MYT1L: variants seen among roughly 807,000 people sequenced by gnomAD.
The protein encoded by MYT1L is myelin transcription factor 1-like protein.
A neutral mutation model predicts 126.7 loss-of-function variants in MYT1L; 12 were observed. That is an observed-to-expected ratio of 0.09 (90% CI 0.06 to 0.15). The LOEUF (loss-of-function observed/expected upper bound fraction) is 0.15. Ranked by LOEUF, MYT1L falls within the 10% of genes least tolerant of loss-of-function variation. The pLI is 1.00. For missense variants in MYT1L, 979 were observed against 1,585.2 expected (o/e 0.62, Z 6.49); for synonymous variants, 541 against 604.2 (o/e 0.90, Z 1.53).
At chr2:2,066,300 T>C (rs970915111) in intron 3 of MYT1L, among the ~76,000 whole-genome samples, 1 of 152,158 alleles carries the variant, frequency 6.6e-6, no homozygotes, top group African/African-American at 2.4e-5. Context: ...AAGAACTTTA[T>C]AAACATTAAT....
chr2:1,910,139 C>G lies in MYT1L; in HGVS notation c.1817+101G>C, dbSNP rs1169430322. The G allele has an allele frequency of 7.3e-6, 8 of 1,092,866 alleles. No homozygotes were observed. The African/African-American group carries it at 1.2e-4, about 17-fold the overall frequency. The allele number at this position is 1,092,866 out of a possible 1,614,324, so 67.7% of individuals were successfully genotyped here. On this transcript the variant is annotated intron_variant, in intron 13 of 24. Transcript: ENST00000647738. This position sits in a 1 kb window ranked among gnomAD's most constrained non-coding sequence, Gnocchi z 4.8. ...CAGCCCCGCCCTCCAGTCCCTGCCC[C>G]TGCTGCTGTAGGGACATGCCCTGAG...
intron 2 of MYT1L, among the ~76,000 whole-genome samples, chr2:2,227,121 G>C (rs2094029676): frequency 6.6e-6 from 1 of 152,028 alleles, no homozygotes; most frequent in Non-Finnish European, 1.5e-5. Context: ...CTGGGGATGC[G>C]CTGTCCCGGC....
intron 3 of MYT1L, among the ~76,000 whole-genome samples, chr2:2,076,442 A>G (rs1335973288): frequency 6.6e-6 from 1 of 152,202 alleles, no homozygotes; most frequent in Non-Finnish European, 1.5e-5. Flanking sequence ...CTGGCTATTC[A>G]TTGGCCGACC....
chr2:2,132,955 T>G (rs2082575639), intron 3 of MYT1L, among the ~76,000 whole-genome samples: 1 of 152,104 alleles, frequency 6.6e-6, no homozygotes, highest in South Asian at 2.1e-4. Context: ...CTCCAGCCCC[T>G]CTTCTTTGCT....
At position 1,801,897 on chromosome 2, in the gene MYT1L, GA is replaced by G; in HGVS notation, c.3173-99del. On this transcript the variant is annotated intron_variant, in intron 22 of 24. Coordinates refer to ENST00000647738, the MANE Select transcript of MYT1L (RefSeq NM_001303052.2). This position sits in a 1 kb window ranked among gnomAD's most constrained non-coding sequence, Gnocchi z 4.2. ...CTTTGTTCCTTTTATATTCGTAATT[GA>G]ATTTGCTTGGAAAATAGACTCTTGA... 1 of 699,934 alleles carries G rather than the reference GA, an allele frequency of 1.4e-6. No homozygotes were observed. Among genetic ancestry groups the G allele is most frequent in the South Asian group, 2.1e-5 (1 of 48,250 alleles). The allele number at this position is 699,934 out of a possible 1,614,324, so 43.4% of individuals were successfully genotyped here. A position where few individuals can be genotyped will look rare whatever the true frequency, so the allele number is the denominator to read the frequency against.
intron 3 of MYT1L, among the ~76,000 whole-genome samples, chr2:2,095,867 G>A (rs879295147): frequency 6.6e-6 from 1 of 152,166 alleles, no homozygotes; most frequent in Admixed American, 6.5e-5. Flanking sequence ...GGCGTCCTCT[G>A]ACTATCATGC....
In MYT1L at chr2:1,790,577, AT is replaced by A. The variant is rs1298645548; in HGVS notation, c.*1289del. The A allele has an allele frequency of 1.3e-5, 2 of 152,292 alleles. No individual in the cohort carries two copies. Among genetic ancestry groups the A allele is most frequent in the Non-Finnish European group, 2.9e-5 (2 of 68,066 alleles). The allele number at this position is 152,292 out of a possible 1,614,324, so 9.4% of individuals were successfully genotyped here. ...TAGAATAGTCACAAGAAATCAAACA[AT>A]GAGGCTCTGCAAATGCTCTATGGTC... On this transcript the variant is annotated 3_prime_UTR_variant, in exon 25 of 25. Transcript: ENST00000647738.
intron 3 of MYT1L, among the ~76,000 whole-genome samples, chr2:2,085,834 G>A (rs903484573): frequency 5.9e-5 from 9 of 152,094 alleles, no homozygotes; most frequent in African/African-American, 1.7e-4. Context: ...CTGAGACACC[G>A]CGCTCTCAGG....
intron 13 of MYT1L, among the ~76,000 whole-genome samples, chr2:1,903,573 C>T (rs1240850881): frequency 6.6e-6 from 1 of 152,072 alleles, no homozygotes; most frequent in African/African-American, 2.4e-5. Context: ...TGTAAGAGGT[C>T]TGGTGGCTTG....
chr2:2,308,067 A>G (rs1187934541), intron 1 of MYT1L, among the ~76,000 whole-genome samples: 2 of 151,468 alleles, frequency 1.3e-5, no homozygotes, highest in East Asian at 3.9e-4. Context: ...CCTATGCTTC[A>G]TCTATACTTC....
At position 1,960,318 on chromosome 2, in the gene MYT1L, CA is replaced by C. The variant is rs1257894777; in HGVS notation, c.153-16985del. 4.6e-5 allele frequency among the ~76,000 whole-genome samples: 7 copies of C among 152,340 alleles called. No homozygotes were observed. In the East Asian group the frequency reaches 1.2e-3, roughly 25 times the overall value. On this transcript the variant is annotated intron_variant, in intron 8 of 24. Coordinates refer to ENST00000647738, the MANE Select transcript of MYT1L (RefSeq NM_001303052.2). Reference sequence around the variant, plus strand: ...CTGGAAGAATCCTGGTGCTCATCCGCACTTTACACACATGAAAATACCAAGG... The same window carrying C: ...CTGGAAGAATCCTGGTGCTCATCCGCCTTTACACACATGAAAATACCAAGG...
At chr2:2,145,770 T>G (rs1025276899) in intron 3 of MYT1L, among the ~76,000 whole-genome samples, 21 of 152,042 alleles carry the variant, frequency 1.4e-4, no homozygotes, top group African/African-American at 5.1e-4. Context: ...ATGTATAGAG[T>G]TTAATATAAT....
intron 3 of MYT1L, among the ~76,000 whole-genome samples, chr2:2,167,314 T>C (rs570237901): frequency 1.3e-5 from 2 of 151,048 alleles, no homozygotes; most frequent in South Asian, 2.1e-4. Context: ...TTGGACGCAA[T>C]GATGTCTGAA....
intron 18 of MYT1L, among the ~76,000 whole-genome samples, chr2:1,868,672 C>T (rs2045901846): frequency 6.6e-6 from 1 of 152,200 alleles, no homozygotes; most frequent in Admixed American, 6.5e-5. Flanking sequence ...TCTCTGTGCC[C>T]CCCTTCTCTG....
At chr2:2,246,600 T>G (rs1355010542) in intron 2 of MYT1L, among the ~76,000 whole-genome samples, 1 of 152,206 alleles carries the variant, frequency 6.6e-6, no homozygotes, top group Non-Finnish European at 1.5e-5. Context: ...AACAGAGGCT[T>G]ATTGAGTGCC....
chr2:2,291,587 C>G (rs996284479), intron 1 of MYT1L, among the ~76,000 whole-genome samples: 10 of 152,252 alleles, frequency 6.6e-5, no homozygotes, highest in African/African-American at 2.4e-4. Context: ...ATGGGACAAA[C>G]AAGAGGAAGC....
At chr2:2,265,288 T>C (rs1447834073) in intron 2 of MYT1L, among the ~76,000 whole-genome samples, 2 of 151,932 alleles carry the variant, frequency 1.3e-5, no homozygotes, top group Non-Finnish European at 2.9e-5. Flanking sequence ...GATTACAGGC[T>C]TGAGCCACCG....
At position 2,094,486 on chromosome 2, in the gene MYT1L, G is replaced by A. The variant is rs934531734; in HGVS notation, c.-303-40363C>T. On this transcript the variant is annotated intron_variant, in intron 3 of 24. Coordinates refer to ENST00000647738, the MANE Select transcript of MYT1L (RefSeq NM_001303052.2). ...ACACACGCACATGTATGTTTATTGC[G>A]GCACTATTTACAATAGCAAAGACTT... Among the ~76,000 whole-genome samples the A allele has an allele frequency of 4.6e-5, 7 of 152,040 alleles. No individual in the cohort carries two copies. The East Asian group carries it at 5.8e-4, about 13-fold the overall frequency.
chr2:2,197,815 GCACA>G (rs763708740), intron 2 of MYT1L, among the ~76,000 whole-genome samples: 4 of 131,034 alleles, frequency 3.1e-5, no homozygotes, highest in East Asian at 2.2e-4. Context: ...ATACACACAT[GCACA>G]CACACACGCA....
Sources: allele counts gnomAD v4.1 joint callset (sites outside exome capture counted in the v4.1 genomes callset), GRCh38; gene constraint gnomAD v4.1.1; non-coding constraint Gnocchi (gnomAD v3.1); transcripts MANE v1.5; gene names NCBI Gene and HGNC (gene_info 2026-07-23, HGNC 2026-07-21).